The following ADAMTS20 variants were observed in gnomAD, a reference collection of about 807,000 sequenced individuals.
The protein encoded by ADAMTS20 is ADAM metallopeptidase with thrombospondin type 1 motif 20, also known as A disintegrin and metalloproteinase with thrombospondin motifs 20.
ADAMTS20 carries 225 observed loss-of-function variants against 260.1 expected under a neutral mutation model. The observed-to-expected ratio is 0.87, with a 90% confidence interval of 0.78 to 0.97. The LOEUF (loss-of-function observed/expected upper bound fraction) is 0.97, where lower values mean the gene tolerates loss of function less well. Among genes scored for constraint, ADAMTS20 ranks in the 50% least tolerant of loss-of-function variants. The pLI, the probability that ADAMTS20 is intolerant of heterozygous loss-of-function variation, is 0.00. For synonymous variants in ADAMTS20, 802 were observed against 769.5 expected (o/e 1.04, Z -0.70); for missense variants, 2,400 against 2,337.7 (o/e 1.03, Z -0.55).
intron 37 of ADAMTS20, among the ~76,000 whole-genome samples, chr12:43,358,161 C>G (rs1939784077): frequency 6.6e-6 from 1 of 152,170 alleles, no homozygotes; most frequent in South Asian, 2.1e-4. Flanking sequence ...TCCATTTGCT[C>G]TCTACCTCCC....
intron 38 of ADAMTS20, among the ~76,000 whole-genome samples, chr12:43,355,731 G>A (rs1183556324): frequency 6.6e-6 from 1 of 151,972 alleles, no homozygotes; most frequent in Non-Finnish European, 1.5e-5. Context: ...TGTTATCTAA[G>A]ACACAATAAC....
intron 3 of ADAMTS20, among the ~76,000 whole-genome samples, chr12:43,505,355 T>C (rs1942826779): frequency 6.6e-6 from 1 of 152,112 alleles, no homozygotes; most frequent in African/African-American, 2.4e-5. Flanking sequence ...AAGCAGCCTA[T>C]GGATTAGGAG....
intron 3 of ADAMTS20, among the ~76,000 whole-genome samples, chr12:43,528,947 A>G (rs1482809646): frequency 6.6e-6 from 1 of 152,144 alleles, no homozygotes; most frequent in Non-Finnish European, 1.5e-5. Flanking sequence ...AACTAAAATA[A>G]ATCAGCAAGA....
chr12:43,423,692 T>C (rs1163187737), intron 28 of ADAMTS20: 2 of 699,872 alleles, frequency 2.9e-6, no homozygotes, highest in Non-Finnish European at 5.2e-6. Flanking sequence ...AAAAATATCT[T>C]TTTATAGTGA....
intron 3 of ADAMTS20, among the ~76,000 whole-genome samples, chr12:43,526,267 AAC>A (rs1398009031): frequency 6.6e-6 from 1 of 152,168 alleles, no homozygotes; most frequent in East Asian, 1.9e-4. Flanking sequence ...CATCCTGGCT[AAC>A]ACAGTGAAAC....
intron 28 of ADAMTS20, among the ~76,000 whole-genome samples, chr12:43,403,554 T>C (rs771670246): frequency 6.6e-6 from 1 of 152,172 alleles, no homozygotes; most frequent in Non-Finnish European, 1.5e-5. Context: ...CTGTGCCCTT[T>C]ATAGATTTTA....
intron 3 of ADAMTS20, among the ~76,000 whole-genome samples, chr12:43,508,016 C>A (rs1428955668): frequency 6.6e-6 from 1 of 151,642 alleles, no homozygotes; most frequent in Non-Finnish European, 1.5e-5. Flanking sequence ...GGGAGAGGAG[C>A]AGAAAAAAAA....
At chr12:43,453,447 T>C (rs1941906275) in intron 12 of ADAMTS20, among the ~76,000 whole-genome samples, 1 of 152,114 alleles carries the variant, frequency 6.6e-6, no homozygotes, top group Non-Finnish European at 1.5e-5. Context: ...CTAAAGACAA[T>C]GATGCGTCTA....
chr12:43,403,938 A>G (rs2137258944), intron 28 of ADAMTS20, among the ~76,000 whole-genome samples: 1 of 152,136 alleles, frequency 6.6e-6, no homozygotes, highest in South Asian at 2.1e-4. Flanking sequence ...CTCCCACCCC[A>G]ACACGTTCAC....
At chr12:43,505,513 A>G (rs1448817596) in intron 3 of ADAMTS20, among the ~76,000 whole-genome samples, 1 of 152,208 alleles carries the variant, frequency 6.6e-6, no homozygotes, top group African/African-American at 2.4e-5. Flanking sequence ...TATACAAATT[A>G]TCAACACACA....
rs1388112624 is a variant in ADAMTS20, at chr12:43,446,249, T to C, written c.2197+346A>G. On this transcript the variant is annotated intron_variant, in intron 15 of 38. Coordinates refer to ENST00000389420, the MANE Select transcript of ADAMTS20 (RefSeq NM_025003.5). ...CAAGTTTCCTGGGAAAAATCACAAA[T>C]ATATACATTTTAGGTTATAGGGAAA... is the stretch of plus-strand genomic sequence containing the variant. 4.6e-5 allele frequency among the ~76,000 whole-genome samples: 7 copies of C among 152,106 alleles called. No individual in the cohort carries two copies. The East Asian group carries it at 1.3e-3, about 29-fold the overall frequency.
chr12:43,441,057 T>G (rs994097091), intron 16 of ADAMTS20, among the ~76,000 whole-genome samples: 2 of 128,892 alleles, frequency 1.6e-5, no homozygotes, highest in African/African-American at 6.1e-5. Context: ...TGAGGGAGAC[T>G]CCGTCTCCAA....
chr12:43,422,140 C>A (rs947737841), intron 28 of ADAMTS20, among the ~76,000 whole-genome samples: 3 of 151,976 alleles, frequency 2.0e-5, no homozygotes, highest in Admixed American at 1.3e-4. Context: ...TTTATTTATT[C>A]CTTTTTTTAT....
intron 28 of ADAMTS20, among the ~76,000 whole-genome samples, chr12:43,409,734 T>C (rs1440705263): frequency 6.6e-6 from 1 of 151,888 alleles, no homozygotes; most frequent in East Asian, 1.9e-4. Flanking sequence ...CAACAAATTT[T>C]CCCAACACAA....
At position 43,353,992 on chromosome 12, in the gene ADAMTS20, C is replaced by G. The variant is rs931552216; in HGVS notation, c.*217G>C. Reference sequence around the variant, plus strand: ...AATTATTATGTTCTTTAAAAAATATCCTGATTAGATATAAAATAAATTAAG... The same window carrying G: ...AATTATTATGTTCTTTAAAAAATATGCTGATTAGATATAAAATAAATTAAG... On this transcript the variant is annotated 3_prime_UTR_variant, in exon 39 of 39. Transcript: ENST00000389420. The G allele has an allele frequency of 2.8e-6, 1 of 351,790 alleles. No homozygotes were observed. Among genetic ancestry groups the G allele is most frequent in the East Asian group, 4.8e-5 (1 of 20,954 alleles). The allele number at this position is 351,790 out of a possible 1,614,324, so 21.8% of individuals were successfully genotyped here.
rs1381223401 is a variant in ADAMTS20, at chr12:43,399,210, A to G, written c.4308T>C (p.Gly1436=). The change falls in exon 29 of 39, where the codon GGT becomes GGC. Residue 1436 remains glycine (G), a synonymous_variant. Transcript: ENST00000389420. ...WTSCSASCGK[G]RKYREVFCID... ...TGCAAAACACTTCACGGTACTTTCT[A>G]CCTTTACCACAAGAAGCTGAGCACT... 5.8e-6 allele frequency: 9 copies of G among 1,545,720 alleles called. No individual in the cohort carries two copies. The East Asian group carries it at 2.1e-4, about 37-fold the overall frequency.
At chr12:43,357,889 C>A (rs1013266186) in intron 37 of ADAMTS20, among the ~76,000 whole-genome samples, 2 of 152,036 alleles carry the variant, frequency 1.3e-5, no homozygotes, top group African/African-American at 4.8e-5. Context: ...ACACTAAAAC[C>A]AGACAAAGTC....
At chr12:43,459,830 A>G (rs1942029021) in intron 11 of ADAMTS20, among the ~76,000 whole-genome samples, 1 of 152,230 alleles carries the variant, frequency 6.6e-6, no homozygotes, top group Non-Finnish European at 1.5e-5. Flanking sequence ...ATCTTGCACA[A>G]AAAATTTAAG....
chr12:43,472,773 A>G (rs1394996383), intron 7 of ADAMTS20, among the ~76,000 whole-genome samples: 179 of 151,230 alleles, frequency 1.2e-3, no homozygotes, highest in Non-Finnish European at 2.1e-3. Flanking sequence ...ATACTTTACA[A>G]ACAAGCAAAT....
Sources: gnomAD v4.1 joint callset for allele counts (sites outside exome capture counted in the v4.1 genomes callset) on GRCh38, gnomAD v4.1.1 for gene constraint, MANE v1.5 for transcripts, NCBI Gene and HGNC (gene_info 2026-07-23, HGNC 2026-07-21) for gene names.